ARCN1: variants seen among roughly 807,000 people sequenced by gnomAD.
The protein encoded by ARCN1 is coatomer subunit delta.
A neutral mutation model predicts 60.4 loss-of-function variants in ARCN1; 5 were observed. That is an observed-to-expected ratio of 0.08 (90% confidence interval 0.04 to 0.17). The LOEUF (loss-of-function observed/expected upper bound fraction) is 0.17, where lower values mean the gene tolerates loss of function less well. Among genes scored for constraint, ARCN1 ranks in the 10% least tolerant of loss-of-function variants. The pLI, the probability that ARCN1 is intolerant of heterozygous loss-of-function variation, is 1.00. For missense variants in ARCN1, 464 were observed against 626.5 expected (o/e 0.74, Z 2.77); for synonymous variants, 224 against 220.0 (o/e 1.02, Z -0.16).
chr11:118,600,316 A>G (rs747161263), intron 9 of ARCN1, among the ~76,000 whole-genome samples: 6 of 152,222 alleles, frequency 3.9e-5, no homozygotes, highest in African/African-American at 1.4e-4. Context: ...TAGAATGTCT[A>G]TGAATTTCAT....
intron 9 of ARCN1, 36 bp downstream of exon 9, chr11:118,597,947 G>C: frequency 6.2e-7 from 1 of 1,606,758 alleles, no homozygotes; most frequent in Non-Finnish European, 8.5e-7. Flanking sequence ...TATAGGGAAA[G>C]TGGTAGGACA....
rs147679573 is a variant in ARCN1 at position 118,574,837 on chromosome 11, G to A, written c.3+2287G>A. Among the ~76,000 whole-genome samples, 977 of 152,114 alleles carry A rather than the reference G, an allele frequency of 6.4e-3. 11 individuals carry two copies. The highest frequency in any genetic ancestry group is 0.021 in the African/African-American group (871 of 41,496). On this transcript the variant is annotated intron_variant, in intron 1 of 9. Transcript: ENST00000264028. ...GTAGCTATTCACAGGCGCTATCATAGTGCACTGCGGCCTAGAACTCCTAGC... is the reference window on the plus strand; with the variant it reads ...GTAGCTATTCACAGGCGCTATCATAATGCACTGCGGCCTAGAACTCCTAGC...
At chr11:118,573,705 C>T in intron 1 of ARCN1, 1 of 700,270 alleles carries the variant, frequency 1.4e-6, no homozygotes, top group East Asian at 2.7e-5. Flanking sequence ...CTATTGACAA[C>T]CCTTTAGATA....
intron 6 of ARCN1, among the ~76,000 whole-genome samples, chr11:118,591,978 T>C (rs1232780428): frequency 1.3e-5 from 2 of 151,966 alleles, no homozygotes; most frequent in Non-Finnish European, 2.9e-5. Context: ...TGGAGTGCAA[T>C]GGTGTGATCT....
chr11:118,574,623 C>T (rs1418814877), intron 1 of ARCN1, among the ~76,000 whole-genome samples: 2 of 151,960 alleles, frequency 1.3e-5, no homozygotes, highest in Admixed American at 6.6e-5. Context: ...AATAAATTCC[C>T]TTTGGCTTTA....
intron 9 of ARCN1, among the ~76,000 whole-genome samples, chr11:118,598,950 T>C (rs1200537568): frequency 4.7e-5 from 7 of 149,324 alleles, no homozygotes; most frequent in Non-Finnish European, 7.4e-5. Context: ...CCTGCCACCA[T>C]GCCTGGCTAA....
intron 1 of ARCN1, chr11:118,573,908 G>A (rs1591378132): frequency 2.1e-6 from 1 of 466,662 alleles, no homozygotes; most frequent in Non-Finnish European, 3.8e-6. Context: ...TTGAAACTCA[G>A]TTCCCGTTTA....
rs201640805 is a variant in ARCN1, at chr11:118,583,770, A to C, written c.448-39A>C. The C allele has an allele frequency of 2.3e-3, 2,707 of 1,177,922 alleles. 4 individuals carry two copies. Among genetic ancestry groups the C allele is most frequent in the Middle Eastern group, 2.9e-3 (13 of 4,418 alleles). The allele number at this position is 1,177,922 out of a possible 1,614,324, so 73.0% of individuals were successfully genotyped here. A position where few individuals can be genotyped will look rare whatever the true frequency, so the allele number is the denominator to read the frequency against. On this transcript the variant is annotated intron_variant, in intron 3 of 9. Coordinates refer to ENST00000264028, the MANE Select transcript of ARCN1 (RefSeq NM_001655.5). ...TGAGACCCTGTCTCAACAAAAACCCAAAAAAAAAAGCTACATTAATGTATG... is the reference window on the plus strand; with the variant it reads ...TGAGACCCTGTCTCAACAAAAACCCCAAAAAAAAAGCTACATTAATGTATG...
rs1476653387 is a variant in ARCN1, at chr11:118,596,062, G to T, written c.1242-1645G>T. On this transcript the variant is annotated intron_variant, in intron 8 of 9. Transcript: ENST00000264028. ...AGCCTGGGTGACAGAGCGAGATTCCGTCTCAAAAAAAAAAAAAAGTACTAA... is the reference window on the plus strand; with the variant it reads ...AGCCTGGGTGACAGAGCGAGATTCCTTCTCAAAAAAAAAAAAAAGTACTAA... Among the ~76,000 whole-genome samples the T allele has an allele frequency of 3.4e-5, 5 of 148,546 alleles. No individual in the cohort carries two copies. In the East Asian group the frequency reaches 7.8e-4, roughly 23 times the overall value.
rs34532442 is a variant in ARCN1, at chr11:118,581,937, G to GACAC, written c.267+455_267+458dup. 8.6e-3 allele frequency among the ~76,000 whole-genome samples: 1,216 copies of GACAC among 140,794 alleles called. 8 individuals are homozygous for GACAC. The highest frequency in any genetic ancestry group is 0.024 in the East Asian group (92 of 3,832). The allele number at this position is 140,794 out of a possible 152,430, so 92.4% of individuals were successfully genotyped here. On this transcript the variant is annotated intron_variant, in intron 2 of 9. Transcript: ENST00000264028. ...TGATCCAGAGACAGACAGACAGACA[G>GACAC]ACACACACACACACACACACACACA...
At chr11:118,597,629 A>C in intron 8 of ARCN1, 78 bp from the exon 9 acceptor site, 10 of 1,503,414 alleles carry the variant, frequency 6.7e-6, no homozygotes, top group Non-Finnish European at 8.2e-6. Context: ...GGGATCATAT[A>C]TCAAATTTGG....
intron 8 of ARCN1, among the ~76,000 whole-genome samples, chr11:118,595,902 C>A (rs1555077055): frequency 5.3e-5 from 8 of 152,122 alleles, no homozygotes; most frequent in Admixed American, 2.0e-4. Context: ...CCCGTCTCTA[C>A]TAAAAATACA....
At chr11:118,591,761 GTC>G (rs1210011875) in intron 6 of ARCN1, among the ~76,000 whole-genome samples, 6 of 147,210 alleles carry the variant, frequency 4.1e-5, no homozygotes, top group African/African-American at 1.3e-4. Flanking sequence ...TTTTTGCACA[GTC>G]TCTCTCTGTC....
chr11:118,587,430 A>C (rs988862528), intron 5 of ARCN1, among the ~76,000 whole-genome samples: 5 of 152,198 alleles, frequency 3.3e-5, no homozygotes, highest in Admixed American at 2.6e-4. Flanking sequence ...ACGTCTTCCA[A>C]TTGCATTTTT....
intron 6 of ARCN1, 102 bp from the exon 7 acceptor site, chr11:118,592,607 T>C (rs976758725): frequency 1.2e-5 from 9 of 767,722 alleles, no homozygotes; most frequent in Admixed American, 2.5e-5. Context: ...ATTTGTTAGG[T>C]ACTCTATTTT....
At chr11:118,583,408 G>A in intron 3 of ARCN1, 50 bp downstream of exon 3, 4 of 1,526,558 alleles carry the variant, frequency 2.6e-6, no homozygotes, top group Non-Finnish European at 3.5e-6. Flanking sequence ...TTTCTCTTAG[G>A]CTTCACTAAT....
chr11:118,577,820 G>A (rs1055630803), intron 1 of ARCN1, among the ~76,000 whole-genome samples: 1 of 152,096 alleles, frequency 6.6e-6, no homozygotes, highest in Non-Finnish European at 1.5e-5. Flanking sequence ...CGCAAAAATG[G>A]AGATTACCAG....
At position 118,584,593 on chromosome 11, in the gene ARCN1, A is replaced by G. The variant is rs782417426; in HGVS notation, c.767A>G (p.Lys256Arg). The change falls in exon 5 of 10, where the codon AAG becomes AGG. Residue 256 changes from lysine to arginine, a missense_variant. By Grantham distance (26) the Lys-to-Arg change is conservative. This residue lies in a region of ARCN1 where 359 missense variants were observed against 440.2 expected (regional missense o/e 0.82). Coordinates refer to ENST00000264028, the MANE Select transcript of ARCN1 (RefSeq NM_001655.5). ...GETIMSSSMGKRTSEATKMHA... is the reference protein window; with the variant it reads ...GETIMSSSMGRRTSEATKMHA... ...ACCATCATGTCCTCTAGTATGGGCA[A>G]GCGTACTTCTGAAGCAACCAAAATG... The G allele has an allele frequency of 5.0e-6, 8 of 1,613,064 alleles. No homozygotes were observed. In the African/African-American group the frequency reaches 6.7e-5, roughly 13 times the overall value.
intron 9 of ARCN1, among the ~76,000 whole-genome samples, chr11:118,599,452 G>A (rs781967723): frequency 6.6e-6 from 1 of 151,028 alleles, no homozygotes; most frequent in Non-Finnish European, 1.5e-5. Flanking sequence ...GTTTTGAGAC[G>A]GAGTCTTGCT....
Sources: allele counts gnomAD v4.1 joint callset (sites outside exome capture counted in the v4.1 genomes callset), GRCh38; gene constraint gnomAD v4.1.1; regional missense constraint gnomAD v4.1.1; transcripts MANE v1.5; gene names NCBI Gene and HGNC (gene_info 2026-07-23, HGNC 2026-07-21).